The following CRTC1 variants were observed in gnomAD, a reference collection of about 807,000 sequenced individuals.
The protein encoded by CRTC1 is CREB-regulated transcription coactivator 1.
In CRTC1, 18 loss-of-function variants were observed where a neutral mutation model predicts 66.1. The ratio of observed to expected loss-of-function variants is 0.27; its 90% CI spans 0.19 to 0.40. The LOEUF (loss-of-function observed/expected upper bound fraction) is 0.40. Among genes scored for constraint, CRTC1 ranks in the 10% least tolerant of loss-of-function variants. CRTC1 has a pLI of 1.00. For missense variants in CRTC1, 669 were observed against 887.9 expected (o/e 0.75, Z 3.13); for synonymous variants, 416 against 398.8 (o/e 1.04, Z -0.51).
In CRTC1 at chr19:18,781,630, G is replaced by A. The variant is rs976990578; in HGVS notation, c.*4248G>A. The stretch of plus-strand genomic sequence containing the variant: ...TGCTGGGGAGTTCCTGAGGGCATGG[G>A]TGGGGCAGGAGTGAGTGCCTCGTGA... On this transcript the variant is annotated 3_prime_UTR_variant, in exon 14 of 14. Coordinates refer to ENST00000321949, the MANE Select transcript of CRTC1 (RefSeq NM_015321.3). 3 of 230,276 alleles carry A rather than the reference G, an allele frequency of 1.3e-5. No individual in the cohort carries two copies. The highest frequency in any genetic ancestry group is 8.6e-6 in the Non-Finnish European group (1 of 116,286). The allele number at this position is 230,276 out of a possible 1,614,324, so 14.3% of individuals were successfully genotyped here. A position where few individuals can be genotyped will look rare whatever the true frequency, so the allele number is the denominator to read the frequency against.
rs971574612 is a variant in CRTC1 at position 18,778,034 on chromosome 19, G to A, written c.*652G>A. 2.1e-5 allele frequency: 5 copies of A among 234,260 alleles called. No individual in the cohort carries two copies. Among genetic ancestry groups the A allele is most frequent in the African/African-American group, 8.8e-5 (4 of 45,316 alleles). The allele number at this position is 234,260 out of a possible 1,614,324, so 14.5% of individuals were successfully genotyped here. On this transcript the variant is annotated 3_prime_UTR_variant, in exon 14 of 14. Coordinates refer to ENST00000321949, the MANE Select transcript of CRTC1 (RefSeq NM_015321.3). Reference sequence around the variant, plus strand: ...AAGTGGACAGAGCATGCAGGGCGGCGGACCCCCCCACGACCCTCCTCGCCC... The same window carrying A: ...AAGTGGACAGAGCATGCAGGGCGGCAGACCCCCCCACGACCCTCCTCGCCC...
chr19:18,759,925 G>A (rs1168018959), intron 7 of CRTC1, 83 bp from the exon 8 acceptor site: 3 of 987,214 alleles, frequency 3.0e-6, no homozygotes, highest in Non-Finnish European at 1.4e-6. Flanking sequence ...TGCACCCGCT[G>A]ATTTTCTCCC....
At chr19:18,698,156 T>A (rs995699947) in intron 1 of CRTC1, among the ~76,000 whole-genome samples, 8 of 151,686 alleles carry the variant, frequency 5.3e-5, no homozygotes, top group Non-Finnish European at 7.4e-5. Flanking sequence ...CAGCATGTAC[T>A]CAGCAGGCGC....
intron 5 of CRTC1, among the ~76,000 whole-genome samples, chr19:18,750,675 G>T (rs188927599): frequency 4.6e-5 from 7 of 152,300 alleles, no homozygotes; most frequent in African/African-American, 1.7e-4. Context: ...TCACCGAGTG[G>T]GTGGTTAACA....
At chr19:18,713,872 T>A (rs2053446788) in intron 1 of CRTC1, among the ~76,000 whole-genome samples, 1 of 152,174 alleles carries the variant, frequency 6.6e-6, no homozygotes, top group South Asian at 2.1e-4. Context: ...AGCCCTGCAG[T>A]ATCTGCTGGG....
At position 18,771,438 on chromosome 19, in the gene CRTC1, G is replaced by A. The variant is rs540673852; in HGVS notation, c.1321-4G>A. ...GCGGCGTGCTGATCTGTCTGTCATC[G>A]CAGGCGCCGGCTCTGCAGCAGTACC... On this transcript the variant is annotated splice_region_variant and splice_polypyrimidine_tract_variant and intron_variant, in intron 10 of 13. Coordinates refer to ENST00000321949, the MANE Select transcript of CRTC1 (RefSeq NM_015321.3). The surrounding 1 kb of genome is among the most constrained non-coding windows in gnomAD (Gnocchi z 4.6). 1.5e-5 allele frequency: 24 copies of A among 1,610,678 alleles called. No individual in the cohort carries two copies. The highest frequency in any genetic ancestry group is 3.3e-4 in the Middle Eastern group (2 of 6,020).
chr19:18,764,225 TCTG>T (rs1027239583), intron 8 of CRTC1, among the ~76,000 whole-genome samples: 1 of 152,226 alleles, frequency 6.6e-6, no homozygotes, highest in Non-Finnish European at 1.5e-5. Flanking sequence ...ACAAGGTTAA[TCTG>T]GTGCCCAGAT....
rs1471230030 is a variant in CRTC1, at chr19:18,683,879, GGGCGCGTGTCC to G, written c.126+60_126+70del. The G allele has an allele frequency of 1.7e-5, 17 of 1,018,536 alleles. No individual in the cohort carries two copies. The South Asian group carries it at 4.7e-4, about 28-fold the overall frequency. 63.1% of individuals were successfully genotyped at this position (1,018,536 alleles called of 1,614,324 possible). A position where few individuals can be genotyped will look rare whatever the true frequency, so the allele number is the denominator to read the frequency against. Reference sequence around the variant, plus strand: ...TTCAGGGCCGGCGGAGGGAGGGAGGGGGCGCGTGTCCGGCGCGTGCACGGGGCGGGGTGGGG... The same window carrying G: ...TTCAGGGCCGGCGGAGGGAGGGAGGGGGCGCGTGCACGGGGCGGGGTGGGG... On this transcript the variant is annotated intron_variant, in intron 1 of 13. Coordinates refer to ENST00000321949, the MANE Select transcript of CRTC1 (RefSeq NM_015321.3).
At chr19:18,720,106 C>G (rs1042658051) in intron 1 of CRTC1, among the ~76,000 whole-genome samples, 2 of 152,222 alleles carry the variant, frequency 1.3e-5, no homozygotes, top group Non-Finnish European at 2.9e-5. Context: ...TTCCAGAACA[C>G]AAGTGTGCAC....
At chr19:18,716,725 G>A (rs571559320) in intron 1 of CRTC1, among the ~76,000 whole-genome samples, 4 of 152,318 alleles carry the variant, frequency 2.6e-5, no homozygotes, top group Non-Finnish European at 5.9e-5. Context: ...AGTTTGGAGA[G>A]ACTCCAGCTG....
chr19:18,706,180 G>GTTT (rs1568487122), intron 1 of CRTC1, among the ~76,000 whole-genome samples: 1 of 26,362 alleles, frequency 3.8e-5, no homozygotes, highest in African/African-American at 1.4e-4. Context: ...TATTCCATTG[G>GTTT]TCTTTTTTTT....
chr19:18,738,485 GC>G (rs1568511677), intron 1 of CRTC1, among the ~76,000 whole-genome samples: 1 of 152,098 alleles, frequency 6.6e-6, no homozygotes, highest in Non-Finnish European at 1.5e-5. Context: ...ATTAGGGTGG[GC>G]CTTTCTCTTT....
chr19:18,715,676 C>G (rs1254898058), intron 1 of CRTC1, among the ~76,000 whole-genome samples: 1 of 152,228 alleles, frequency 6.6e-6, no homozygotes, highest in Non-Finnish European at 1.5e-5. Context: ...CCCTGCTTCT[C>G]AGTGTGTGGA....
At chr19:18,702,437 G>A (rs990021701) in intron 1 of CRTC1, among the ~76,000 whole-genome samples, 2 of 151,522 alleles carry the variant, frequency 1.3e-5, no homozygotes, top group Admixed American at 6.6e-5. Flanking sequence ...TGTTGCCTAC[G>A]CTGGTCTCAA....
At position 18,741,691 on chromosome 19, in the gene CRTC1, G is replaced by A; in HGVS notation, c.127-1219G>A. Reference sequence around the variant, plus strand: ...ATGTGTCTGGCCAGCGGCCACCAAGGGCTCCCAGCACAGACCCTGGGCCTC... The same window carrying A: ...ATGTGTCTGGCCAGCGGCCACCAAGAGCTCCCAGCACAGACCCTGGGCCTC... On this transcript the variant is annotated intron_variant, in intron 1 of 13. Transcript: ENST00000321949. The surrounding 1 kb of genome is among the most constrained non-coding windows in gnomAD (Gnocchi z 4.2). 6.6e-6 allele frequency among the ~76,000 whole-genome samples: 1 copy of A among 152,164 alleles called. No individual in the cohort carries two copies. Among genetic ancestry groups the A allele is most frequent in the Non-Finnish European group, 1.5e-5 (1 of 68,016 alleles).
chr19:18,777,054 C>G lies in CRTC1; in HGVS notation c.1694-117C>G, dbSNP rs2055004742. On this transcript the variant is annotated intron_variant, in intron 13 of 13. Transcript: ENST00000321949. The surrounding 1 kb of genome is among the most constrained non-coding windows in gnomAD (Gnocchi z 5.5). ...TCATGACAGCTGGAATGTCCCCAGACATTGCCAGCATACCCAGGGGACAGA... is the reference window on the plus strand; with the variant it reads ...TCATGACAGCTGGAATGTCCCCAGAGATTGCCAGCATACCCAGGGGACAGA... 1 of 659,208 alleles carries G rather than the reference C, an allele frequency of 1.5e-6. No homozygotes were observed. Among genetic ancestry groups the G allele is most frequent in the Non-Finnish European group, 2.7e-6 (1 of 367,718 alleles). The allele number at this position is 659,208 out of a possible 1,614,324, so 40.8% of individuals were successfully genotyped here.
chr19:18,712,446 GAT>G (rs1226566306), intron 1 of CRTC1, among the ~76,000 whole-genome samples: 2 of 151,620 alleles, frequency 1.3e-5, no homozygotes, highest in Non-Finnish European at 2.9e-5. Flanking sequence ...TTTTAGTAGA[GAT>G]AGGGTTTCAC....
intron 3 of CRTC1, 30 bp downstream of exon 3, chr19:18,745,990 G>A: frequency 6.3e-7 from 1 of 1,586,630 alleles, no homozygotes; most frequent in African/African-American, 1.3e-5. Context: ...ATGAGGGTGG[G>A]GGCCAGGCCC....
At position 18,745,707 on chromosome 19, in the gene CRTC1, G is replaced by A. The variant is rs1331884016; in HGVS notation, c.244-116G>A. ...CATCCCAGGCTGTGGAGCGATGGCC[G>A]AGGGTGCTCCAGAGTGGGGGGCCCT... On this transcript the variant is annotated intron_variant, in intron 2 of 13. Transcript: ENST00000321949. 1.4e-5 allele frequency: 19 copies of A among 1,343,004 alleles called. No homozygotes were observed. In the East Asian group the frequency reaches 3.7e-4, roughly 26 times the overall value. The allele number at this position is 1,343,004 out of a possible 1,614,324, so 83.2% of individuals were successfully genotyped here.
Sources: gnomAD v4.1 joint callset for allele counts (sites outside exome capture counted in the v4.1 genomes callset) on GRCh38, gnomAD v4.1.1 for gene constraint, Gnocchi (gnomAD v3.1) non-coding constraint, MANE v1.5 for transcripts, NCBI Gene and HGNC (gene_info 2026-07-23, HGNC 2026-07-21) for gene names.